The following ACTR3B variants were observed in gnomAD, a reference collection of about 807,000 sequenced individuals.
ACTR3B encodes actin-related protein 3B.
Under a neutral mutation model 59.0 loss-of-function variants are expected in ACTR3B, and 8 were observed. The observed-to-expected ratio is 0.14, with a 90% confidence interval of 0.08 to 0.24. The LOEUF (loss-of-function observed/expected upper bound fraction) is 0.24, where lower values mean the gene tolerates loss of function less well. Ranked by LOEUF, ACTR3B falls within the 10% of genes least tolerant of loss-of-function variation. The probability of loss-of-function intolerance (pLI) is 1.00; values close to 1 mark genes in which losing one functional copy is unlikely to be tolerated. For synonymous variants in ACTR3B, 148 were observed against 197.9 expected (o/e 0.75, Z 2.12); for missense variants, 245 against 552.3 (o/e 0.44, Z 5.58).
intron 7 of ACTR3B, among the ~76,000 whole-genome samples, chr7:152,821,470 A>G (rs1470025200): frequency 6.6e-6 from 1 of 150,548 alleles, no homozygotes; most frequent in African/African-American, 2.4e-5. Flanking sequence ...TATTTCAAAA[A>G]AGAAAAAAAA....
chr7:152,827,401 G>T (rs1162400154), intron 9 of ACTR3B, among the ~76,000 whole-genome samples: 27 of 152,056 alleles, frequency 1.8e-4, no homozygotes, highest in African/African-American at 6.0e-4. Context: ...ATGCTTTCTC[G>T]TTTGTCACAT....
At chr7:152,844,974 G>T (rs1175734536) in intron 9 of ACTR3B, among the ~76,000 whole-genome samples, 1 of 148,192 alleles carries the variant, frequency 6.7e-6, no homozygotes, top group African/African-American at 2.5e-5. Flanking sequence ...AGAGGATTTA[G>T]AGGAAATTAG....
chr7:152,759,924 CG>C lies in ACTR3B; in HGVS notation c.44+1del. Reference sequence around the variant, plus strand: ...CTCCCTGCGTGGTGGACTGTGGCACCGGGTAAGAGCAGCTCGGCGCCCACCC... The same window carrying C: ...CTCCCTGCGTGGTGGACTGTGGCACCGGTAAGAGCAGCTCGGCGCCCACCC... ...LPPCVVDCGTGYTKLGYAGNT... is the reference protein window; with the variant it reads ...LPPCVVDCGTXYTKLGYAGNT... On this transcript the variant is annotated frameshift_variant and splice_region_variant, in exon 1 of 12. Coordinates refer to ENST00000256001, the MANE Select transcript of ACTR3B (RefSeq NM_020445.6). LOFTEE classifies it high-confidence loss of function. The C allele has an allele frequency of 7.2e-7, 1 of 1,388,258 alleles. No homozygotes were observed. The highest frequency in any genetic ancestry group is 9.4e-7 in the Non-Finnish European group (1 of 1,061,944). The allele number at this position is 1,388,258 out of a possible 1,614,324, so 86.0% of individuals were successfully genotyped here.
intron 4 of ACTR3B, among the ~76,000 whole-genome samples, chr7:152,806,069 C>T (rs951654489): frequency 3.9e-5 from 6 of 152,152 alleles, no homozygotes; most frequent in African/African-American, 1.4e-4. Flanking sequence ...ATATTTAAAA[C>T]CAGATTATTC....
At chr7:152,764,509 T>C (rs2098101776) in intron 1 of ACTR3B, among the ~76,000 whole-genome samples, 1 of 151,466 alleles carries the variant, frequency 6.6e-6, no homozygotes, top group Admixed American at 6.6e-5. Flanking sequence ...CCGGGCACAC[T>C]GGTGGGCTAA....
chr7:152,849,463 G>A (rs1050914280), intron 9 of ACTR3B, among the ~76,000 whole-genome samples: 1 of 152,200 alleles, frequency 6.6e-6, no homozygotes, highest in Admixed American at 6.5e-5. Context: ...TGACCTTGAA[G>A]CTGATAACAA....
chr7:152,825,210 A>G, intron 9 of ACTR3B, 88 bp downstream of exon 9: 1 of 1,311,960 alleles, frequency 7.6e-7, no homozygotes, highest in Admixed American at 2.7e-5. Context: ...GTCTATTACT[A>G]GTAAATATCC....
At chr7:152,852,308 G>A in intron 10 of ACTR3B, 57 bp downstream of exon 10, 1 of 1,544,600 alleles carries the variant, frequency 6.5e-7, no homozygotes, top group Non-Finnish European at 8.7e-7. Flanking sequence ...GCCTGACCGG[G>A]GCCCTCCTGA....
chr7:152,848,290 A>C (rs2117002776), intron 9 of ACTR3B, among the ~76,000 whole-genome samples: 1 of 152,334 alleles, frequency 6.6e-6, no homozygotes, highest in East Asian at 1.9e-4. Context: ...GACAGCTCTC[A>C]GACACCCCAG....
chr7:152,798,986 G>C (rs957433970), intron 2 of ACTR3B, among the ~76,000 whole-genome samples: 2 of 152,104 alleles, frequency 1.3e-5, no homozygotes, highest in Non-Finnish European at 2.9e-5. Context: ...GGTCTCTTGT[G>C]GTTCCATGTG....
chr7:152,815,936 T>G (rs1590346772), intron 5 of ACTR3B, among the ~76,000 whole-genome samples: 2 of 152,190 alleles, frequency 1.3e-5, no homozygotes, highest in East Asian at 3.8e-4. Flanking sequence ...AACTTTAGTT[T>G]TTTTTTTTTC....
chr7:152,831,528 GA>G (rs1178842352), intron 9 of ACTR3B, among the ~76,000 whole-genome samples: 4 of 152,266 alleles, frequency 2.6e-5, no homozygotes, highest in African/African-American at 9.6e-5. Flanking sequence ...TGCAGCTGAG[GA>G]ACAGCGTTTT....
At chr7:152,830,180 G>A (rs1383880246) in intron 9 of ACTR3B, among the ~76,000 whole-genome samples, 1 of 152,222 alleles carries the variant, frequency 6.6e-6, no homozygotes, top group East Asian at 1.9e-4. Context: ...AGCTGGGGGT[G>A]GGTGGACAGG....
chr7:152,761,979 C>T (rs968041809), intron 1 of ACTR3B, among the ~76,000 whole-genome samples: 5 of 152,136 alleles, frequency 3.3e-5, no homozygotes, highest in Admixed American at 6.6e-5. Flanking sequence ...TATGTAATTC[C>T]TGTCATCAGA....
At chr7:152,811,694 TA>T (rs1795249773) in intron 4 of ACTR3B, 1 of 152,184 alleles carries the variant, frequency 6.6e-6, no homozygotes, top group Admixed American at 6.6e-5. Context: ...TGTATTTGTT[TA>T]GGGGTAACTA....
chr7:152,785,507 GAGAGGAGAGAGA>G (rs2098170946), intron 2 of ACTR3B, among the ~76,000 whole-genome samples: 1 of 129,712 alleles, frequency 7.7e-6, no homozygotes, highest in African/African-American at 3.1e-5. Context: ...GAGAGAGAGA[GAGAGGAGAGAGA>G]AGAGAGAGAA....
At chr7:152,784,039 G>A (rs1345223906) in intron 2 of ACTR3B, among the ~76,000 whole-genome samples, 1 of 151,832 alleles carries the variant, frequency 6.6e-6, no homozygotes, top group Non-Finnish European at 1.5e-5. Context: ...GCAGTGAGCC[G>A]GGATCGTGCC....
At chr7:152,817,792 A>G (rs1030334159) in intron 6 of ACTR3B, among the ~76,000 whole-genome samples, 3 of 152,244 alleles carry the variant, frequency 2.0e-5, no homozygotes, top group African/African-American at 7.2e-5. Context: ...ATTTAATTTA[A>G]TTGAAAAAAT....
In ACTR3B at chr7:152,854,388, G is replaced by A. The variant is rs1210664337; in HGVS notation, c.1162-70G>A. The A allele has an allele frequency of 2.8e-6, 4 of 1,432,524 alleles. No homozygotes were observed. Among genetic ancestry groups the A allele is most frequent in the African/African-American group, 1.4e-5 (1 of 71,272 alleles). The allele number at this position is 1,432,524 out of a possible 1,614,324, so 88.7% of individuals were successfully genotyped here. On this transcript the variant is annotated intron_variant, in intron 11 of 11. Coordinates refer to ENST00000256001, the MANE Select transcript of ACTR3B (RefSeq NM_020445.6). The surrounding 1 kb of genome is among the most constrained non-coding windows in gnomAD (Gnocchi z 4.9). ...CCGGGATGAGGAGAGTGTCTTGCCT[G>A]CTTGGTAGCTGGTTCCCTTGACTTT...
Sources: allele counts gnomAD v4.1 joint callset (sites outside exome capture counted in the v4.1 genomes callset), GRCh38; gene constraint gnomAD v4.1.1; non-coding constraint Gnocchi (gnomAD v3.1); transcripts MANE v1.5; gene names NCBI Gene and HGNC (gene_info 2026-07-23, HGNC 2026-07-21).